CTNS: variants seen among roughly 807,000 people sequenced by gnomAD.
CTNS encodes the protein cystinosin.
A neutral mutation model predicts 43.7 loss-of-function variants in CTNS; 27 were observed. The ratio of observed to expected loss-of-function variants is 0.62; its 90% CI spans 0.46 to 0.85. The LOEUF is 0.85. Among genes scored for constraint, CTNS ranks in the 40% least tolerant of loss-of-function variants. The pLI, the probability that CTNS is intolerant of heterozygous loss-of-function variation, is 0.00. For synonymous variants in CTNS, 187 were observed against 190.6 expected (o/e 0.98, Z 0.16); for missense variants, 457 against 475.4 (o/e 0.96, Z 0.36).
chr17:3,656,564 T>A lies in CTNS; in HGVS notation c.539T>A (p.Leu180His). The change falls in exon 8 of 12, where the codon CTC becomes CAC. Residue 180 changes from leucine (L) to histidine (H), a missense_variant. Coordinates refer to ENST00000046640, the MANE Select transcript of CTNS (RefSeq NM_004937.3). ...GCCTACAGTGTATTCAACATCGGCC[T>A]CCTCTGGGTGCCCTACATCAAGGTA... ...FVAYSVFNIG[L>H]LWVPYIKEQF... 1 of 1,610,728 alleles carries A rather than the reference T, an allele frequency of 6.2e-7. No individual in the cohort carries two copies. Among genetic ancestry groups the A allele is most frequent in the Non-Finnish European group, 8.5e-7 (1 of 1,179,368 alleles).
At position 3,655,051 on chromosome 17, in the gene CTNS, T is replaced by C; in HGVS notation, c.279T>C (p.Asn93=). 3 of 1,614,178 alleles carry C rather than the reference T, an allele frequency of 1.9e-6. No homozygotes were observed. Among genetic ancestry groups the C allele is most frequent in the Non-Finnish European group, 2.5e-6 (3 of 1,180,000 alleles). ...CCTCTTTTCAAGTGACATCTCAAAA[T>C]GTTGGACAACTTACTGTTTATCTAC... is the stretch of plus-strand genomic sequence containing the variant. The part of the protein sequence containing the change: ...TNSSFQVTSQ[N]VGQLTVYLHG... Residue 93 remains asparagine, a synonymous_variant, in exon 6 of 12, where the codon AAT becomes AAC. Transcript: ENST00000046640.
At chr17:3,655,506 G>A in intron 7 of CTNS, 154 bp downstream of exon 7, 3 of 1,161,032 alleles carry the variant, frequency 2.6e-6, no homozygotes, top group African/African-American at 1.5e-5. Flanking sequence ...GGCTCGGAGA[G>A]CCTGGGTCGG....
rs572284265 is a variant in CTNS, at chr17:3,661,704, C to T, written c.*1335C>T. ...GGGAGCCCTCTTGGGTAGCGCGAGA[C>T]GCCTACCCGCCCAGGGCCAGGTCAG... is the stretch of plus-strand genomic sequence containing the variant. On this transcript the variant is annotated 3_prime_UTR_variant, in exon 12 of 12. Transcript: ENST00000046640. 6.6e-6 allele frequency among the ~76,000 whole-genome samples: 1 copy of T among 152,318 alleles called. No homozygotes were observed. Among genetic ancestry groups the T allele is most frequent in the East Asian group, 1.9e-4 (1 of 5,174 alleles).
intron 3 of CTNS, among the ~76,000 whole-genome samples, 153 bp downstream of exon 3, chr17:3,640,420 C>T (rs1012958252): frequency 3.3e-5 from 5 of 152,264 alleles, no homozygotes; most frequent in African/African-American, 1.2e-4. Flanking sequence ...GGTGGTGGAG[C>T]AGACCCAGGT....
intron 5 of CTNS, among the ~76,000 whole-genome samples, chr17:3,652,821 G>A (rs2076018440): frequency 6.6e-6 from 1 of 152,192 alleles, no homozygotes; most frequent in African/African-American, 2.4e-5. Context: ...GCCAGGAGTG[G>A]CACATGTTAT....
intron 11 of CTNS, 40 bp downstream of exon 11, chr17:3,660,015 G>T: frequency 6.4e-7 from 1 of 1,552,038 alleles, no homozygotes; most frequent in Non-Finnish European, 8.9e-7. Flanking sequence ...CTGCGGCTGG[G>T]GCATCGGGCG....
intron 5 of CTNS, among the ~76,000 whole-genome samples, chr17:3,652,996 G>C (rs2076022992): frequency 6.6e-6 from 1 of 152,344 alleles, no homozygotes; most frequent in Admixed American, 6.5e-5. Context: ...ATGTGGTAGA[G>C]CGCCTGTAGT....
intron 9 of CTNS, 89 bp from the exon 10 acceptor site, chr17:3,657,912 CCTCT>C: frequency 6.8e-7 from 1 of 1,479,210 alleles, no homozygotes; most frequent in Non-Finnish European, 9.3e-7. Flanking sequence ...CCTCCGTGCC[CCTCT>C]CTAAGCCCGC....
chr17:3,656,900 G>C, intron 9 of CTNS, 105 bp downstream of exon 9: 1 of 1,555,728 alleles, frequency 6.4e-7, no homozygotes, highest in Non-Finnish European at 8.7e-7. Context: ...AAGGGTGTGT[G>C]TTCATTCATC....
At chr17:3,647,407 A>T in intron 3 of CTNS, 37 bp from the exon 4 acceptor site, 2 of 1,583,154 alleles carry the variant, frequency 1.3e-6, no homozygotes, top group East Asian at 2.2e-5. Context: ...CTGAACTCTG[A>T]CCCAGTGCCT....
At chr17:3,644,070 T>TG (rs1567698715) in intron 3 of CTNS, among the ~76,000 whole-genome samples, 1 of 152,170 alleles carries the variant, frequency 6.6e-6, no homozygotes, top group South Asian at 2.1e-4. Flanking sequence ...ATTTTAGACT[T>TG]GGGGGGCCAG....
chr17:3,660,609 T>C lies in CTNS; in HGVS notation c.*240T>C, dbSNP rs371198507. 13 of 1,613,168 alleles carry C rather than the reference T, an allele frequency of 8.1e-6. No homozygotes were observed. The highest frequency in any genetic ancestry group is 1.1e-5 in the Non-Finnish European group (13 of 1,179,890). ...GTCGCCTTGACACCGCCATCTCTTT[T>C]CTTTAAGGCTTCAGGCAGCGCGCAC... On this transcript the variant is annotated 3_prime_UTR_variant, in exon 12 of 12. Transcript: ENST00000046640.
intron 5 of CTNS, chr17:3,650,483 A>G: frequency 1.2e-6 from 1 of 834,848 alleles, no homozygotes; most frequent in Non-Finnish European, 1.8e-6. Context: ...CTCTGTCTCT[A>G]AAAAATTAAA....
At chr17:3,641,548 C>T (rs934767358) in intron 3 of CTNS, among the ~76,000 whole-genome samples, 1 of 151,300 alleles carries the variant, frequency 6.6e-6, no homozygotes, top group African/African-American at 2.4e-5. Context: ...CCCGCAACTA[C>T]GCCCAGCTAG....
At chr17:3,645,131 T>C (rs534386431) in intron 3 of CTNS, among the ~76,000 whole-genome samples, 1 of 152,332 alleles carries the variant, frequency 6.6e-6, no homozygotes, top group Admixed American at 6.5e-5. Flanking sequence ...GTCCCAGCTA[T>C]GCAAGCCCAG....
chr17:3,660,637 G>A lies in CTNS; in HGVS notation c.*268G>A, dbSNP rs1256104049. 3 of 1,613,416 alleles carry A rather than the reference G, an allele frequency of 1.9e-6. No homozygotes were observed. Among genetic ancestry groups the A allele is most frequent in the African/African-American group, 2.7e-5 (2 of 74,948 alleles). On this transcript the variant is annotated 3_prime_UTR_variant, in exon 12 of 12. Coordinates refer to ENST00000046640, the MANE Select transcript of CTNS (RefSeq NM_004937.3). ...TTAAGGCTTCAGGCAGCGCGCACAGGCTCTGGCAGCCGTCTCAGGCAGGAC... is the reference window on the plus strand; with the variant it reads ...TTAAGGCTTCAGGCAGCGCGCACAGACTCTGGCAGCCGTCTCAGGCAGGAC...
At position 3,640,220 on chromosome 17, in the gene CTNS, G is replaced by T; in HGVS notation, c.14G>T (p.Trp5Leu). Residue 5 changes from tryptophan to leucine, a missense_variant, in exon 3 of 12, where the codon TGG becomes TTG. Coordinates refer to ENST00000046640, the MANE Select transcript of CTNS (RefSeq NM_004937.3). MIRN[W>L]LTIFILFPLK... The stretch of plus-strand genomic sequence containing the variant: ...AAATCGAGAAACATGATAAGGAATT[G>T]GCTGACTATTTTTATCCTTTTTCCC... 1 of 1,614,056 alleles carries T rather than the reference G, an allele frequency of 6.2e-7. No individual in the cohort carries two copies. The highest frequency in any genetic ancestry group is 8.5e-7 in the Non-Finnish European group (1 of 1,179,890).
intron 2 of CTNS, among the ~76,000 whole-genome samples, chr17:3,639,082 G>T: frequency 6.6e-6 from 1 of 152,140 alleles, no homozygotes; most frequent in East Asian, 1.9e-4. Context: ...AGGCCTTGGG[G>T]AAACTGAAAT....
chr17:3,659,969 A>G lies in CTNS; in HGVS notation c.964A>G (p.Asn322Asp). 1.9e-6 allele frequency: 3 copies of G among 1,612,724 alleles called. No individual in the cohort carries two copies. Among genetic ancestry groups the G allele is most frequent in the Admixed American group, 3.3e-5 (2 of 60,024 alleles). ...SLLQMFLQSYNNDQWTLIFGD... is the reference protein window; with the variant it reads ...SLLQMFLQSYDNDQWTLIFGD... ...CCTGCAGATGTTCCTCCAGTCCTAC[A>G]ACAACGGTGAGTCAGCCAGCGGGCT... is the stretch of plus-strand genomic sequence containing the variant. The change falls in exon 11 of 12, where the codon AAC becomes GAC. Residue 322 changes from asparagine to aspartate, a missense_variant. Physicochemically the swap from Asn to Asp is conservative, Grantham distance 23. Coordinates refer to ENST00000046640, the MANE Select transcript of CTNS (RefSeq NM_004937.3).
Sources: allele counts gnomAD v4.1 joint callset (sites outside exome capture counted in the v4.1 genomes callset), GRCh38; gene constraint gnomAD v4.1.1; transcripts MANE v1.5; gene names NCBI Gene and HGNC (gene_info 2026-07-23, HGNC 2026-07-21).